RYR3: variants seen among roughly 807,000 people sequenced by gnomAD.
RYR3 encodes the protein brain ryanodine receptor-calcium release channel.
Under a neutral mutation model 584.3 loss-of-function variants are expected in RYR3, and 207 were observed. That is an observed-to-expected ratio of 0.35 (90% CI 0.32 to 0.40). The LOEUF is 0.40. Ranked by LOEUF, RYR3 falls within the 10% of genes least tolerant of loss-of-function variation. The pLI, the probability that RYR3 is intolerant of heterozygous loss-of-function variation, is 1.00. For synonymous variants in RYR3, 2,416 were observed against 2,248.5 expected, an observed-to-expected ratio of 1.07 and a Z score of -2.11; for missense variants, 5,616 against 6,089.2, an observed-to-expected ratio of 0.92 and a Z score of 2.59.
intron 12 of RYR3, among the ~76,000 whole-genome samples, chr15:33,569,732 TGTTAC>T (rs371617388): frequency 1.1e-4 from 16 of 152,314 alleles, no homozygotes; most frequent in African/African-American, 3.8e-4. Flanking sequence ...GTTTCTGTTT[TGTTAC>T]ATCTTTTCCT....
intron 16 of RYR3, among the ~76,000 whole-genome samples, chr15:33,599,292 A>T (rs1160261149): frequency 6.6e-6 from 1 of 152,212 alleles, no homozygotes; most frequent in East Asian, 1.9e-4. Context: ...AAAATCTGAG[A>T]CAGGTCTTAG....
intron 51 of RYR3, among the ~76,000 whole-genome samples, chr15:33,740,354 G>A (rs1267134448): frequency 6.6e-6 from 1 of 152,144 alleles, no homozygotes; most frequent in Non-Finnish European, 1.5e-5. Context: ...AGGCTCATAT[G>A]GTTCTAATAG....
chr15:33,732,704 G>C (rs918520490), intron 48 of RYR3, among the ~76,000 whole-genome samples: 2 of 152,108 alleles, frequency 1.3e-5, no homozygotes, highest in African/African-American at 4.8e-5. Flanking sequence ...GATGAGTTAC[G>C]AAATAAATAT....
At chr15:33,627,330 G>T (rs1034377156) in intron 20 of RYR3, among the ~76,000 whole-genome samples, 1 of 152,202 alleles carries the variant, frequency 6.6e-6, no homozygotes, top group Admixed American at 6.5e-5. Flanking sequence ...CTCCCAGTTT[G>T]TGACCCCTGT....
intron 16 of RYR3, among the ~76,000 whole-genome samples, chr15:33,589,459 T>G (rs556950751): frequency 6.6e-6 from 1 of 152,334 alleles, no homozygotes; most frequent in East Asian, 1.9e-4. Flanking sequence ...GCTTTTTAAT[T>G]TAATTAAGTC....
Position 33,769,093 on chromosome 15 carries a change from A to T in RYR3, c.8756-19A>T. ...GCTGAGTGGTTTGAGGGAATCACAG[A>T]TGATTTTTTTTATTCCAGGTAGTGA... On this transcript the variant is annotated intron_variant, in intron 61 of 103. Transcript: ENST00000634891. 1 of 1,600,478 alleles carries T rather than the reference A, an allele frequency of 6.2e-7. No homozygotes were observed. The highest frequency in any genetic ancestry group is 8.6e-7 in the Non-Finnish European group (1 of 1,167,676).
intron 1 of RYR3, among the ~76,000 whole-genome samples, chr15:33,358,043 G>A (rs553896989): frequency 3.3e-5 from 5 of 152,284 alleles, no homozygotes; most frequent in Non-Finnish European, 2.9e-5. Flanking sequence ...GTCAGGGCAC[G>A]CTCTTAACCT....
chr15:33,503,942 C>T (rs1042504850), intron 3 of RYR3, among the ~76,000 whole-genome samples: 1 of 152,162 alleles, frequency 6.6e-6, no homozygotes, highest in Non-Finnish European at 1.5e-5. Flanking sequence ...CAGCTTCCAC[C>T]AGAAAATGGA....
chr15:33,375,332 G>C (rs1369627025), intron 1 of RYR3, among the ~76,000 whole-genome samples: 2 of 152,226 alleles, frequency 1.3e-5, no homozygotes, highest in Non-Finnish European at 2.9e-5. Flanking sequence ...TCTGCTGCCA[G>C]AGAGATGTTG....
At chr15:33,643,594 G>A (rs1433965276) in intron 27 of RYR3, among the ~76,000 whole-genome samples, 1 of 151,738 alleles carries the variant, frequency 6.6e-6, no homozygotes, top group East Asian at 1.9e-4. Context: ...TTTGTAAATT[G>A]TATTTTGTTA....
chr15:33,349,640 A>T (rs1972948718), intron 1 of RYR3, among the ~76,000 whole-genome samples: 1 of 150,038 alleles, frequency 6.7e-6, no homozygotes, highest in Non-Finnish European at 1.5e-5. Flanking sequence ...CATGTGCACA[A>T]TGTGCAGGTT....
In RYR3 at chr15:33,566,805, T is replaced by C. The variant is rs2057741032; in HGVS notation, c.1268+6T>C. 2 of 1,613,612 alleles carry C rather than the reference T, an allele frequency of 1.2e-6. No individual in the cohort carries two copies. The highest frequency in any genetic ancestry group is 8.5e-7 in the Non-Finnish European group (1 of 1,179,612). On this transcript the variant is annotated splice_donor_region_variant and intron_variant, in intron 12 of 103. Transcript: ENST00000634891. ...TTATTCAGCCAGTTTGTCAGGTATGTTAGCTCCTTTCCTCCTCTACCTAGT... is the reference window on the plus strand; with the variant it reads ...TTATTCAGCCAGTTTGTCAGGTATGCTAGCTCCTTTCCTCCTCTACCTAGT...
intron 48 of RYR3, among the ~76,000 whole-genome samples, chr15:33,733,701 A>AC (rs1047227804): frequency 6.6e-5 from 10 of 152,334 alleles, no homozygotes; most frequent in Middle Eastern, 3.4e-3. Context: ...AATGTACAAC[A>AC]CCAAGAGTGA....
chr15:33,838,656 A>G lies in RYR3; in HGVS notation c.12676A>G (p.Ile4226Val), dbSNP rs758388890. 1 of 1,613,984 alleles carries G rather than the reference A, an allele frequency of 6.2e-7. No homozygotes were observed. Residue 4226 changes from isoleucine to valine, a missense_variant, in exon 89 of 104, where the codon ATC (isoleucine) becomes GTC (valine). Ile to Val is a conservative substitution (Grantham distance 29). Around this residue, in one of 9 missense-constraint regions of RYR3, gnomAD observed 918 missense variants for 887.4 expected, o/e 1.03. Transcript: ENST00000634891. ...GGGLVEGAKN[I>V]RVTKILGDMP... ...GGGCCTGGTAGAAGGGGCAAAGAACATCAGAGTGACCAAGATCCTGGGTGA... is the reference window on the plus strand; with the variant it reads ...GGGCCTGGTAGAAGGGGCAAAGAACGTCAGAGTGACCAAGATCCTGGGTGA...
chr15:33,807,543 C>T lies in RYR3; in HGVS notation c.10012-12C>T, dbSNP rs140527918. On this transcript the variant is annotated splice_polypyrimidine_tract_variant and intron_variant, in intron 69 of 103. Coordinates refer to ENST00000634891, the MANE Select transcript of RYR3 (RefSeq NM_001036.6). ...CTTCTCCTTGTTTCTTTTCTTTTGT[C>T]TTTCCACACAGGCCATGCAAGTAAA... The T allele has an allele frequency of 1.0e-4, 159 of 1,551,830 alleles. 2 individuals are homozygous for T. The African/African-American group carries it at 1.8e-3, about 18-fold the overall frequency.
At chr15:33,469,119 A>G (rs556593467) in intron 1 of RYR3, among the ~76,000 whole-genome samples, 1 of 152,178 alleles carries the variant, frequency 6.6e-6, no homozygotes, top group Non-Finnish European at 1.5e-5. Context: ...AAGTATGGTG[A>G]TATTGCTATG....
chr15:33,854,312 C>G, intron 96 of RYR3, 77 bp from the exon 97 acceptor site: 6 of 1,232,048 alleles, frequency 4.9e-6, no homozygotes, highest in Non-Finnish European at 6.9e-6. Context: ...AGAGAAAAAA[C>G]TTACTTTTTC....
intron 16 of RYR3, among the ~76,000 whole-genome samples, chr15:33,596,320 A>AC (rs1375415544): frequency 6.6e-6 from 1 of 152,100 alleles, no homozygotes; most frequent in African/African-American, 2.4e-5. Flanking sequence ...CTAAATTATG[A>AC]CCAGTTTGTC....
chr15:33,386,916 G>A (rs1242100355), intron 1 of RYR3, among the ~76,000 whole-genome samples: 1 of 151,938 alleles, frequency 6.6e-6, no homozygotes, highest in African/African-American at 2.4e-5. Context: ...GGAGTGCAGT[G>A]GCACAATCTC....
Sources: allele counts gnomAD v4.1 joint callset (sites outside exome capture counted in the v4.1 genomes callset), GRCh38; gene constraint gnomAD v4.1.1; regional missense constraint gnomAD v4.1.1; transcripts MANE v1.5; gene names NCBI Gene and HGNC (gene_info 2026-07-23, HGNC 2026-07-21).